Variants in ASIC2 observed in about 807,000 individuals in gnomAD.
The protein encoded by ASIC2 is acid-sensing ion channel 2.
ASIC2 carries 25 observed loss-of-function variants against 57.3 expected under a neutral mutation model. That is an observed-to-expected ratio of 0.44 (90% CI 0.32 to 0.61). ASIC2 has a LOEUF of 0.61. ASIC2 is among the 20% of genes least tolerant of loss of function. ASIC2 has a pLI of 0.06. For synonymous variants in ASIC2, 319 were observed against 307.5 expected, an observed-to-expected ratio of 1.04 and a Z score of -0.39; for missense variants, 641 against 738.1, an observed-to-expected ratio of 0.87 and a Z score of 1.52.
At chr17:33,167,772 C>A (rs1053083141) in intron 1 of ASIC2, among the ~76,000 whole-genome samples, 5 of 150,492 alleles carry the variant, frequency 3.3e-5, no homozygotes, top group Non-Finnish European at 7.5e-5. Flanking sequence ...ATTTGACAAT[C>A]CCAATCCCAA....
intron 1 of ASIC2, among the ~76,000 whole-genome samples, chr17:33,380,989 G>A (rs1200832581): frequency 6.6e-6 from 1 of 152,168 alleles, no homozygotes; most frequent in African/African-American, 2.4e-5. Flanking sequence ...AGAGGCCCTT[G>A]GAGGGATTTG....
At position 33,291,609 on chromosome 17, in the gene ASIC2, C is replaced by G; in HGVS notation, c.507G>C (p.Pro169=). The G allele has an allele frequency of 6.2e-7, 1 of 1,607,772 alleles. No individual in the cohort carries two copies. The highest frequency in any genetic ancestry group is 8.5e-7 in the Non-Finnish European group (1 of 1,177,940). Residue 169 remains proline (P), a synonymous_variant, in exon 1 of 10, where the codon CCG becomes CCC. Transcript: ENST00000225823. ...GLLLPNRTAR[P]LVSELLRGDE... ...CGCCCCGCAGCAGCTCGCTGACAAGCGGGCGCGCGGTGCGGTTGGGCAGCA... is the reference window on the plus strand; with the variant it reads ...CGCCCCGCAGCAGCTCGCTGACAAGGGGGCGCGCGGTGCGGTTGGGCAGCA...
intron 1 of ASIC2, among the ~76,000 whole-genome samples, chr17:33,483,347 G>T (rs969067502): frequency 6.6e-6 from 1 of 152,228 alleles, no homozygotes; most frequent in African/African-American, 2.4e-5. Context: ...CACACATCTG[G>T]ACTGCTTCCG....
chr17:33,963,826 A>C (rs988898000), intron 1 of ASIC2, among the ~76,000 whole-genome samples: 16 of 152,220 alleles, frequency 1.1e-4, no homozygotes, highest in Admixed American at 3.9e-4. Flanking sequence ...ACAAAGGCCA[A>C]CAGAAAGATG....
At chr17:33,734,716 G>T (rs1008354791) in intron 1 of ASIC2, among the ~76,000 whole-genome samples, 2 of 152,186 alleles carry the variant, frequency 1.3e-5, no homozygotes, top group Admixed American at 1.3e-4. Flanking sequence ...AAGAGGAAGA[G>T]ACACCAGAGT....
chr17:33,876,170 C>T (rs767599850), intron 1 of ASIC2, among the ~76,000 whole-genome samples: 10 of 152,070 alleles, frequency 6.6e-5, no homozygotes, highest in Non-Finnish European at 1.0e-4. Context: ...ATCTGTAAAA[C>T]GGGACTACGG....
chr17:33,102,938 C>T (rs1392567318), intron 2 of ASIC2, among the ~76,000 whole-genome samples: 6 of 152,140 alleles, frequency 3.9e-5, no homozygotes, highest in Admixed American at 6.5e-5. Flanking sequence ...CGCCCACCAC[C>T]ACGCCCGGCT....
At chr17:34,130,212 G>T (rs1463991665) in intron 1 of ASIC2, among the ~76,000 whole-genome samples, 1 of 152,084 alleles carries the variant, frequency 6.6e-6, no homozygotes, top group African/African-American at 2.4e-5. Context: ...ATCATTAGAG[G>T]CAGTCACTGC....
chr17:34,149,319 T>C (rs1395066697), intron 1 of ASIC2, among the ~76,000 whole-genome samples: 2 of 152,012 alleles, frequency 1.3e-5, no homozygotes, highest in Non-Finnish European at 2.9e-5. Flanking sequence ...ATTGCCCAGG[T>C]TTCTCCTTTC....
intron 1 of ASIC2, among the ~76,000 whole-genome samples, chr17:33,254,514 C>T (rs1382254102): frequency 6.6e-6 from 1 of 152,122 alleles, no homozygotes; most frequent in Non-Finnish European, 1.5e-5. Context: ...GCTTTGGATG[C>T]ACCCAGCTTC....
At chr17:33,226,545 C>G (rs1907886513) in intron 1 of ASIC2, among the ~76,000 whole-genome samples, 2 of 152,220 alleles carry the variant, frequency 1.3e-5, no homozygotes, top group African/African-American at 4.8e-5. Context: ...TGTCTCTCCT[C>G]TTCTTGACCC....
chr17:33,277,625 C>G (rs183869079), intron 1 of ASIC2, among the ~76,000 whole-genome samples: 1 of 152,284 alleles, frequency 6.6e-6, no homozygotes, highest in East Asian at 1.9e-4. Context: ...GGCTTAAGAC[C>G]TTTGCCCTGG....
intron 1 of ASIC2, among the ~76,000 whole-genome samples, chr17:33,447,598 C>A (rs186645798): frequency 7.2e-4 from 109 of 152,232 alleles, no homozygotes; most frequent in Middle Eastern, 6.8e-3. Context: ...CTTTCAGAGT[C>A]AGGCCTAGAA....
In ASIC2 at chr17:33,031,485, G is replaced by A. The variant is rs9907084; in HGVS notation, c.988-3093C>T. 8.0e-3 allele frequency among the ~76,000 whole-genome samples: 1,217 copies of A among 152,192 alleles called. 22 individuals carry two copies. The highest frequency in any genetic ancestry group is 0.027 in the African/African-American group (1,101 of 41,544). ...GTTTCATTTCTTAAACATTTATTGA[G>A]ATGTTTTTATGATACTGGACAAGAA... On this transcript the variant is annotated intron_variant, in intron 3 of 9. Coordinates refer to ENST00000225823, the MANE Select transcript of ASIC2 (RefSeq NM_183377.2).
At chr17:33,793,805 T>C (rs964222161) in intron 1 of ASIC2, 1 of 152,190 alleles carries the variant, frequency 6.6e-6, no homozygotes, top group African/African-American at 2.4e-5. Context: ...CTTCGTCATT[T>C]GATCTACCCA....
At chr17:33,285,502 A>G (rs1905116976) in intron 1 of ASIC2, among the ~76,000 whole-genome samples, 1 of 152,240 alleles carries the variant, frequency 6.6e-6, no homozygotes, top group South Asian at 2.1e-4. Context: ...ACTTGAATAC[A>G]GAACTTTTCA....
At chr17:33,763,505 T>C (rs1910847649) in intron 1 of ASIC2, among the ~76,000 whole-genome samples, 1 of 152,178 alleles carries the variant, frequency 6.6e-6, no homozygotes, top group Non-Finnish European at 1.5e-5. Flanking sequence ...GATTGCGTTA[T>C]CTATTGTTTA....
At chr17:33,546,832 C>T (rs1025111026) in intron 1 of ASIC2, among the ~76,000 whole-genome samples, 1 of 152,162 alleles carries the variant, frequency 6.6e-6, no homozygotes, top group African/African-American at 2.4e-5. Flanking sequence ...GGACCTCACT[C>T]CCAGCTCCTC....
intron 1 of ASIC2, among the ~76,000 whole-genome samples, chr17:33,679,681 T>C (rs1254831431): frequency 6.6e-6 from 1 of 152,122 alleles, no homozygotes; most frequent in Non-Finnish European, 1.5e-5. Context: ...GAAAGCCTCC[T>C]GAGAAGGTCC....
Sources: gnomAD v4.1 joint callset for allele counts (sites outside exome capture counted in the v4.1 genomes callset) on GRCh38, gnomAD v4.1.1 for gene constraint, MANE v1.5 for transcripts, NCBI Gene and HGNC (gene_info 2026-07-23, HGNC 2026-07-21) for gene names.